SUSD6: variants seen among roughly 807,000 people sequenced by gnomAD.
SUSD6 encodes the protein sushi domain containing 6.
A neutral mutation model predicts 28.4 loss-of-function variants in SUSD6; 16 were observed. The ratio of observed to expected loss-of-function variants is 0.56; its 90% CI spans 0.38 to 0.86. SUSD6 has a LOEUF of 0.86. Ranked by LOEUF, SUSD6 falls within the 40% of genes least tolerant of loss-of-function variation. The pLI is 0.00. For missense variants in SUSD6, 341 were observed against 384.2 expected (o/e 0.89, Z 0.94); for synonymous variants, 147 against 159.6 (o/e 0.92, Z 0.59).
chr14:69,612,026 C>T lies in SUSD6; in HGVS notation c.-81+198C>T, dbSNP rs567244448. On this transcript the variant is annotated intron_variant, in intron 1 of 5. Coordinates refer to ENST00000342745, the MANE Select transcript of SUSD6 (RefSeq NM_014734.4). ...GGCCGCGAGCCGCGCCGCTGGGAGCCCCGCGCTGGCGTGGCGCGGCCAGCC... is the reference window on the plus strand; with the variant it reads ...GGCCGCGAGCCGCGCCGCTGGGAGCTCCGCGCTGGCGTGGCGCGGCCAGCC... 5.6e-3 allele frequency among the ~76,000 whole-genome samples: 842 copies of T among 149,322 alleles called. 10 individuals carry two copies. The highest frequency in any genetic ancestry group is 0.019 in the African/African-American group (793 of 41,256).
At chr14:69,707,440 T>C (rs996831830) in intron 4 of SUSD6, among the ~76,000 whole-genome samples, 1 of 152,230 alleles carries the variant, frequency 6.6e-6, no homozygotes, top group African/African-American at 2.4e-5. Context: ...AAATTTACTT[T>C]GTTATCCCAT....
chr14:69,631,920 A>T (rs1326726741), intron 1 of SUSD6, among the ~76,000 whole-genome samples: 1 of 152,190 alleles, frequency 6.6e-6, no homozygotes, highest in East Asian at 1.9e-4. Flanking sequence ...AATCTGTCAC[A>T]GGTGGGAGGG....
chr14:69,632,611 C>T (rs1885211236), intron 1 of SUSD6, among the ~76,000 whole-genome samples: 2 of 151,580 alleles, frequency 1.3e-5, no homozygotes, highest in South Asian at 4.2e-4. Flanking sequence ...TCCCCCTTTA[C>T]CCCCTTGCAA....
intron 2 of SUSD6, among the ~76,000 whole-genome samples, chr14:69,693,679 A>G (rs1886183944): frequency 6.6e-6 from 1 of 152,232 alleles, no homozygotes; most frequent in African/African-American, 2.4e-5. Context: ...CCTTTCAAGT[A>G]TGCAGTTTTG....
intron 1 of SUSD6, among the ~76,000 whole-genome samples, chr14:69,612,345 G>A (rs1180594036): frequency 6.6e-6 from 1 of 152,176 alleles, no homozygotes; most frequent in East Asian, 1.9e-4. Context: ...CGGCATTCGG[G>A]AGCCCCCGCG....
chr14:69,698,486 T>G (rs773413028), intron 2 of SUSD6, among the ~76,000 whole-genome samples: 8 of 152,246 alleles, frequency 5.3e-5, no homozygotes, highest in Non-Finnish European at 1.2e-4. Flanking sequence ...TTGTTCTGTT[T>G]GTTAAATTGA....
intron 2 of SUSD6, among the ~76,000 whole-genome samples, chr14:69,683,062 T>G (rs1277231501): frequency 6.6e-6 from 1 of 150,998 alleles, no homozygotes; most frequent in African/African-American, 2.4e-5. Context: ...AGGGTGCCCT[T>G]GAAGAGCTCT....
intron 5 of SUSD6, among the ~76,000 whole-genome samples, chr14:69,709,567 GT>G (rs1242243296): frequency 6.6e-6 from 1 of 152,162 alleles, no homozygotes; most frequent in Non-Finnish European, 1.5e-5. Flanking sequence ...CACTATCTCA[GT>G]TAAACATCAC....
In SUSD6 at chr14:69,648,266, A is replaced by G. The variant is rs572343052; in HGVS notation, c.-80-10247A>G. On this transcript the variant is annotated intron_variant, in intron 1 of 5. Coordinates refer to ENST00000342745, the MANE Select transcript of SUSD6 (RefSeq NM_014734.4). ...AATAGAGGTCCGGAAAGCTTGGATA[A>G]CTACATTGAGGTAAAGAGAATGCTG... is the stretch of plus-strand genomic sequence containing the variant. Among the ~76,000 whole-genome samples the G allele has an allele frequency of 2.0e-5, 3 of 152,344 alleles. No individual in the cohort carries two copies. In the South Asian group the frequency reaches 6.2e-4, roughly 32 times the overall value.
intron 1 of SUSD6, among the ~76,000 whole-genome samples, chr14:69,644,748 G>C (rs902064985): frequency 6.6e-6 from 1 of 152,106 alleles, no homozygotes; most frequent in Non-Finnish European, 1.5e-5. Context: ...GCCTAATTTG[G>C]ATTACTTTTG....
intron 2 of SUSD6, among the ~76,000 whole-genome samples, chr14:69,691,128 G>A (rs1490456516): frequency 6.6e-6 from 1 of 152,164 alleles, no homozygotes; most frequent in Non-Finnish European, 1.5e-5. Flanking sequence ...CATCACCTGA[G>A]GTCAGGAGTT....
intron 2 of SUSD6, among the ~76,000 whole-genome samples, chr14:69,680,354 G>A (rs1176062982): frequency 6.6e-6 from 1 of 152,096 alleles, no homozygotes; most frequent in Non-Finnish European, 1.5e-5. Flanking sequence ...TATAAACAAT[G>A]GCCTCCTCTA....
chr14:69,627,294 G>T (rs919214807), intron 1 of SUSD6, among the ~76,000 whole-genome samples: 4 of 152,158 alleles, frequency 2.6e-5, no homozygotes, highest in Admixed American at 1.3e-4. Context: ...GAAGCTCTGG[G>T]TTTATTTCAG....
intron 1 of SUSD6, among the ~76,000 whole-genome samples, chr14:69,616,009 T>C (rs1884954604): frequency 6.6e-6 from 1 of 152,244 alleles, no homozygotes; most frequent in Admixed American, 6.5e-5. Flanking sequence ...CCTACACACA[T>C]ACACAAGTGT....
intron 1 of SUSD6, among the ~76,000 whole-genome samples, chr14:69,612,151 C>T (rs930730390): frequency 6.6e-5 from 10 of 152,002 alleles, no homozygotes; most frequent in Non-Finnish European, 1.5e-4. Context: ...CGCGTCGCTG[C>T]CCGGGCAGCA....
chr14:69,687,781 G>A (rs1274064548), intron 2 of SUSD6, among the ~76,000 whole-genome samples: 7 of 152,200 alleles, frequency 4.6e-5, no homozygotes, highest in Non-Finnish European at 8.8e-5. Flanking sequence ...CGTACTTGCC[G>A]TTACAACTGT....
chr14:69,640,549 G>A (rs987911500), intron 1 of SUSD6, among the ~76,000 whole-genome samples: 1 of 152,112 alleles, frequency 6.6e-6, no homozygotes, highest in Non-Finnish European at 1.5e-5. Context: ...TGTTGCCCAG[G>A]TGGTTTCAAA....
intron 2 of SUSD6, among the ~76,000 whole-genome samples, chr14:69,675,402 C>G (rs1885892656): frequency 6.6e-6 from 1 of 152,190 alleles, no homozygotes; most frequent in African/African-American, 2.4e-5. Flanking sequence ...CCAGCACCTC[C>G]TCCTGGCCCT....
At chr14:69,704,386 G>T (rs1180090735) in intron 3 of SUSD6, among the ~76,000 whole-genome samples, 1 of 152,178 alleles carries the variant, frequency 6.6e-6, no homozygotes, top group Non-Finnish European at 1.5e-5. Context: ...GAAGTGAGGG[G>T]AATTTTTTAT....
Sources: gnomAD v4.1 joint callset for allele counts (sites outside exome capture counted in the v4.1 genomes callset) on GRCh38, gnomAD v4.1.1 for gene constraint, MANE v1.5 for transcripts, NCBI Gene and HGNC (gene_info 2026-07-23, HGNC 2026-07-21) for gene names.